Variants in PXK observed in about 807,000 individuals in gnomAD.
PXK encodes PX domain containing serine/threonine kinase like, also known as PX domain-containing protein kinase-like protein.
A neutral mutation model predicts 84.7 loss-of-function variants in PXK; 35 were observed. The observed-to-expected ratio is 0.41, with a 90% CI of 0.32 to 0.55. PXK has a LOEUF of 0.55. PXK is among the 20% of genes least tolerant of loss of function. PXK has a pLI of 0.21. For missense variants in PXK, 634 were observed against 699.7 expected, an observed-to-expected ratio of 0.91 and a Z score of 1.06; for synonymous variants, 253 against 260.8, an observed-to-expected ratio of 0.97 and a Z score of 0.29.
chr3:58,387,461 C>T (rs2098563495), intron 4 of PXK, among the ~76,000 whole-genome samples: 1 of 152,152 alleles, frequency 6.6e-6, no homozygotes, highest in Non-Finnish European at 1.5e-5. Flanking sequence ...ATGACAGTTA[C>T]ACAGGGAGAT....
chr3:58,342,634 C>CAA lies in PXK; in HGVS notation c.102+9560_102+9561dup, dbSNP rs71091369. 5.2e-3 allele frequency among the ~76,000 whole-genome samples: 584 copies of CAA among 113,332 alleles called. 6 individuals are homozygous for CAA. The highest frequency in any genetic ancestry group is 0.018 in the African/African-American group (554 of 30,798). The allele number at this position is 113,332 out of a possible 152,430, so 74.4% of individuals were successfully genotyped here. On this transcript the variant is annotated intron_variant, in intron 1 of 17. Coordinates refer to ENST00000356151, the MANE Select transcript of PXK (RefSeq NM_017771.5). ...TGGGCCACAGAGTGAGACTCTGTCTCAAAAAAAAAAAAAAAAAGAAAAGAA... is the reference window on the plus strand; with the variant it reads ...TGGGCCACAGAGTGAGACTCTGTCTCAAAAAAAAAAAAAAAAAAAGAAAAGAA...
chr3:58,352,361 C>G (rs1187603733), intron 1 of PXK, among the ~76,000 whole-genome samples: 1 of 152,182 alleles, frequency 6.6e-6, no homozygotes, highest in Non-Finnish European at 1.5e-5. Flanking sequence ...CCTCAGATAC[C>G]AGAGCCCAAA....
intron 3 of PXK, among the ~76,000 whole-genome samples, chr3:58,372,583 AAGTGCTGGGAT>A (rs2098391252): frequency 6.6e-6 from 1 of 151,240 alleles, no homozygotes; most frequent in Non-Finnish European, 1.5e-5. Context: ...CGGCCTCCCA[AAGTGCTGGGAT>A]TACAGGAGTG....
intron 17 of PXK, among the ~76,000 whole-genome samples, chr3:58,418,163 G>A (rs1411920916): frequency 1.3e-5 from 2 of 152,196 alleles, no homozygotes; most frequent in African/African-American, 4.8e-5. Context: ...TGGGAAAGCT[G>A]AGTAAGCAGA....
At chr3:58,391,341 G>C in intron 6 of PXK, 121 bp downstream of exon 6, 1 of 811,910 alleles carries the variant, frequency 1.2e-6, no homozygotes, top group Non-Finnish European at 1.9e-6. Flanking sequence ...AGGCTTCCTT[G>C]GTCCATGTCA....
intron 17 of PXK, among the ~76,000 whole-genome samples, chr3:58,418,276 C>T (rs1377874276): frequency 6.6e-6 from 1 of 152,188 alleles, no homozygotes. Flanking sequence ...AGTTAATCAT[C>T]GTGAATACCT....
At position 58,409,151 on chromosome 3, in the gene PXK, C is replaced by A; in HGVS notation, c.1308+150C>A. On this transcript the variant is annotated intron_variant, in intron 14 of 17. Transcript: ENST00000356151. This position sits in a 1 kb window ranked among gnomAD's most constrained non-coding sequence, Gnocchi z 4.2. ...TTAGGCTAAATGCTTCCCTGCAGAG[C>A]TGAATACTTGACAGTCCTGCCCTCA... 1.5e-6 allele frequency: 1 copy of A among 652,792 alleles called. No homozygotes were observed. Among genetic ancestry groups the A allele is most frequent in the Non-Finnish European group, 2.6e-6 (1 of 378,426 alleles). 40.4% of individuals were successfully genotyped at this position (652,792 alleles called of 1,614,324 possible).
At position 58,411,978 on chromosome 3, in the gene PXK, C is replaced by A. The variant is rs2060265692; in HGVS notation, c.1466-923C>A. Reference sequence around the variant, plus strand: ...ATGGCCAGTGTCCATGAGACACCAACATGTCCTGTGGGTAGTGAGGGAAGT... The same window carrying A: ...ATGGCCAGTGTCCATGAGACACCAAAATGTCCTGTGGGTAGTGAGGGAAGT... On this transcript the variant is annotated intron_variant, in intron 16 of 17. Transcript: ENST00000356151. The surrounding 1 kb of genome is among the most constrained non-coding windows in gnomAD (Gnocchi z 4.2). Among the ~76,000 whole-genome samples the A allele has an allele frequency of 6.6e-6, 1 of 152,132 alleles. No homozygotes were observed. The highest frequency in any genetic ancestry group is 1.5e-5 in the Non-Finnish European group (1 of 68,030).
At chr3:58,378,825 C>G in intron 3 of PXK, among the ~76,000 whole-genome samples, 1 of 151,274 alleles carries the variant, frequency 6.6e-6, no homozygotes, top group East Asian at 2.0e-4. Context: ...CGTGAGCCAC[C>G]GCGCCCAGCC....
chr3:58,365,943 T>TC lies in PXK; in HGVS notation c.153+19_153+20insC, dbSNP rs748351613. The TC allele has an allele frequency of 5.1e-6, 8 of 1,570,534 alleles. No homozygotes were observed. The highest frequency in any genetic ancestry group is 5.2e-6 in the Non-Finnish European group (6 of 1,161,012). ...CTGGCAGGTAAGCATCTTTTTTTTT[T>TC]TTTTTGTCAATTAGAAAAATATTTA... On this transcript the variant is annotated intron_variant, in intron 2 of 17. Transcript: ENST00000356151.
At chr3:58,354,311 G>A (rs1474464192) in intron 1 of PXK, among the ~76,000 whole-genome samples, 1 of 152,150 alleles carries the variant, frequency 6.6e-6, no homozygotes. Flanking sequence ...AAAGACAGAC[G>A]AGCTGAGTCC....
rs974361904 is a variant in PXK at position 58,414,431 on chromosome 3, G to A, written c.1528+1468G>A. On this transcript the variant is annotated intron_variant, in intron 17 of 17. Transcript: ENST00000356151. This position sits in a 1 kb window ranked among gnomAD's most constrained non-coding sequence, Gnocchi z 4.5. Reference sequence around the variant, plus strand: ...ATTTACAATTTATTTGGACTTTTGGGGGGAATTCTCTAATTTATCTGTGTT... The same window carrying A: ...ATTTACAATTTATTTGGACTTTTGGAGGGAATTCTCTAATTTATCTGTGTT... 6.6e-6 allele frequency: 1 copy of A among 152,160 alleles called. No homozygotes were observed. The highest frequency in any genetic ancestry group is 2.4e-5 in the African/African-American group (1 of 41,442). 9.4% of individuals were successfully genotyped at this position (152,160 alleles called of 1,614,324 possible).
At chr3:58,402,530 A>G (rs1219503517) in intron 12 of PXK, among the ~76,000 whole-genome samples, 2 of 151,052 alleles carry the variant, frequency 1.3e-5, no homozygotes, top group African/African-American at 4.9e-5. Flanking sequence ...CCCGGGTTCA[A>G]GTGATCCTCT....
In PXK at chr3:58,412,974, G is replaced by C. The variant is rs780147396; in HGVS notation, c.1528+11G>C. Reference sequence around the variant, plus strand: ...CACCCTCTACATCAGGTTAGTGATGGAGTAAAGTGACATGCCACCTTCCTG... The same window carrying C: ...CACCCTCTACATCAGGTTAGTGATGCAGTAAAGTGACATGCCACCTTCCTG... On this transcript the variant is annotated intron_variant, in intron 17 of 17. Coordinates refer to ENST00000356151, the MANE Select transcript of PXK (RefSeq NM_017771.5). The surrounding 1 kb of genome is among the most constrained non-coding windows in gnomAD (Gnocchi z 6.2). 2.5e-6 allele frequency: 4 copies of C among 1,613,670 alleles called. No homozygotes were observed. Among genetic ancestry groups the C allele is most frequent in the Non-Finnish European group, 3.4e-6 (4 of 1,179,638 alleles).
Position 58,401,055 on chromosome 3 carries a change from C to T in PXK, c.1181+1678C>T, listed in dbSNP as rs1277724374. 1.3e-5 allele frequency among the ~76,000 whole-genome samples: 2 copies of T among 152,376 alleles called. No homozygotes were observed. The highest frequency in any genetic ancestry group is 1.5e-5 in the Non-Finnish European group (1 of 68,040). On this transcript the variant is annotated intron_variant, in intron 12 of 17. Coordinates refer to ENST00000356151, the MANE Select transcript of PXK (RefSeq NM_017771.5). This position sits in a 1 kb window ranked among gnomAD's most constrained non-coding sequence, Gnocchi z 4.4. The stretch of plus-strand genomic sequence containing the variant: ...TGATTTACTTGAGTTTGCATTTACA[C>T]TCCCCATTCCAAAGCTCTTACATCT...
rs536761824 is a variant in PXK, at chr3:58,385,582, G to A, written c.388+2882G>A. 1.4e-4 allele frequency among the ~76,000 whole-genome samples: 21 copies of A among 152,246 alleles called. No individual in the cohort carries two copies. The South Asian group carries it at 3.5e-3, about 26-fold the overall frequency. ...GGCACTATCCCAGCTCTGTGCAGCC[G>A]TGACCTTCTGGGTTCAAGTGATCCT... On this transcript the variant is annotated intron_variant, in intron 4 of 17. Transcript: ENST00000356151. This position sits in a 1 kb window ranked among gnomAD's most constrained non-coding sequence, Gnocchi z 5.1.
rs758037526 is a variant in PXK at position 58,383,626 on chromosome 3, G to T, written c.388+926G>T. 6.6e-6 allele frequency among the ~76,000 whole-genome samples: 1 copy of T among 152,128 alleles called. No individual in the cohort carries two copies. The highest frequency in any genetic ancestry group is 1.5e-5 in the Non-Finnish European group (1 of 68,032). On this transcript the variant is annotated intron_variant, in intron 4 of 17. Coordinates refer to ENST00000356151, the MANE Select transcript of PXK (RefSeq NM_017771.5). The surrounding 1 kb of genome is among the most constrained non-coding windows in gnomAD (Gnocchi z 4.0). Reference sequence around the variant, plus strand: ...TTGAAAGGGCTTCTCTTCCAGTACCGATTACACTCAAAGCTGGCATGAATA... The same window carrying T: ...TTGAAAGGGCTTCTCTTCCAGTACCTATTACACTCAAAGCTGGCATGAATA...
At position 58,398,554 on chromosome 3, in the gene PXK, G is replaced by A. The variant is rs1302609149; in HGVS notation, c.1103-745G>A. Among the ~76,000 whole-genome samples, 1 of 152,148 alleles carries A rather than the reference G, an allele frequency of 6.6e-6. No individual in the cohort carries two copies. The highest frequency in any genetic ancestry group is 1.9e-4 in the East Asian group (1 of 5,198). ...AGCTCTTACAGCATTACCTGCGGGG[G>A]CTGAGGGGAGCTGGAGGACAAGTGA... On this transcript the variant is annotated intron_variant, in intron 11 of 17. Coordinates refer to ENST00000356151, the MANE Select transcript of PXK (RefSeq NM_017771.5). The surrounding 1 kb of genome is among the most constrained non-coding windows in gnomAD (Gnocchi z 4.5).
rs747201007 is a variant in PXK, at chr3:58,401,144, C to T, written c.1181+1767C>T. On this transcript the variant is annotated intron_variant, in intron 12 of 17. Transcript: ENST00000356151. The surrounding 1 kb of genome is among the most constrained non-coding windows in gnomAD (Gnocchi z 4.4). ...TTTTTTCTTCACCTAAGTCTTTCTA[C>T]GATGTGGGCTTCAGCTATGAGAAGA... 1.1e-4 allele frequency among the ~76,000 whole-genome samples: 16 copies of T among 152,122 alleles called. No homozygotes were observed. The highest frequency in any genetic ancestry group is 3.6e-4 in the African/African-American group (15 of 41,412).
Sources: allele counts gnomAD v4.1 joint callset (sites outside exome capture counted in the v4.1 genomes callset), GRCh38; gene constraint gnomAD v4.1.1; non-coding constraint Gnocchi (gnomAD v3.1); transcripts MANE v1.5; gene names NCBI Gene and HGNC (gene_info 2026-07-23, HGNC 2026-07-21).